The following ACSF3 variants were observed in gnomAD, a reference collection of about 807,000 sequenced individuals.
The protein encoded by ACSF3 is acyl-CoA synthetase family member 3.
Under a neutral mutation model 53.2 loss-of-function variants are expected in ACSF3, and 78 were observed. The observed-to-expected ratio is 1.47, with a 90% confidence interval of 1.22 to 1.77. ACSF3 has a LOEUF of 1.77. Ranked by LOEUF, ACSF3 falls within the 40% of genes most tolerant of loss-of-function variation. The probability of loss-of-function intolerance (pLI) is 0.00; values close to 1 mark genes in which losing one functional copy is unlikely to be tolerated. For synonymous variants in ACSF3, 414 were observed against 333.1 expected (o/e 1.24, Z -2.65); for missense variants, 937 against 771.1 (o/e 1.22, Z -2.55).
rs1307415970 is a variant in ACSF3 at position 89,101,254 on chromosome 16, A to G, written c.573A>G (p.Gly191=). ...EPAEVPVPEQ[G]WRNKGAMIIY... is the part of the protein sequence containing the mutation. ...CAGAGGTCCCGGTCCCAGAGCAGGG[A>G]TGGAGGAACAAGGGCGCCATGATCA... The change falls in exon 3 of 11, where the codon GGA becomes GGG. Residue 191 remains glycine, a synonymous_variant. Transcript: ENST00000614302. 1.2e-6 allele frequency: 2 copies of G among 1,601,542 alleles called. No homozygotes were observed. The highest frequency in any genetic ancestry group is 2.3e-5 in the East Asian group (1 of 44,428).
intron 4 of ACSF3, among the ~76,000 whole-genome samples, chr16:89,109,229 CAAAAAA>C (rs773650798): frequency 4.4e-4 from 30 of 68,566 alleles, no homozygotes; most frequent in Admixed American, 7.1e-4. Context: ...AAGACTGTCT[CAAAAAA>C]AAAAAAAAAA....
intron 4 of ACSF3, among the ~76,000 whole-genome samples, chr16:89,106,885 T>C (rs1597917765): frequency 6.6e-6 from 1 of 151,806 alleles, no homozygotes; most frequent in African/African-American, 2.4e-5. Context: ...ACGGATGGGG[T>C]TGGGGGAGAG....
intron 8 of ACSF3, among the ~76,000 whole-genome samples, chr16:89,142,250 A>G (rs936061808): frequency 1.3e-5 from 2 of 152,056 alleles, no homozygotes; most frequent in African/African-American, 4.8e-5. Flanking sequence ...TGCCCCCACC[A>G]GTCCTTCCTG....
chr16:89,150,089 C>G (rs1191021333), intron 10 of ACSF3: 1 of 152,302 alleles, frequency 6.6e-6, no homozygotes, highest in Non-Finnish European at 1.5e-5. Context: ...CAGGCATGTC[C>G]CACATGGTGG....
chr16:89,122,052 C>A (rs1906784970), intron 7 of ACSF3, among the ~76,000 whole-genome samples: 1 of 132,536 alleles, frequency 7.5e-6, no homozygotes, highest in Non-Finnish European at 1.6e-5. Flanking sequence ...CCGTGGAAAC[C>A]TCTCACCTGG....
chr16:89,128,291 G>A (rs186176206), intron 7 of ACSF3, among the ~76,000 whole-genome samples: 114 of 147,962 alleles, frequency 7.7e-4, no homozygotes, highest in African/African-American at 2.5e-3. Flanking sequence ...ACGGAGTTTC[G>A]CTCTCGTTGC....
chr16:89,103,845 C>T (rs1975659079), intron 4 of ACSF3, among the ~76,000 whole-genome samples: 1 of 152,234 alleles, frequency 6.6e-6, no homozygotes, highest in Non-Finnish European at 1.5e-5. Context: ...GTGCTGGTCA[C>T]ACAGAGCGCT....
At chr16:89,095,796 C>G (rs552284280) in intron 1 of ACSF3, among the ~76,000 whole-genome samples, 1 of 152,338 alleles carries the variant, frequency 6.6e-6, no homozygotes, top group African/African-American at 2.4e-5. Flanking sequence ...TTCGTACATT[C>G]TCACGTGAAG....
At chr16:89,094,629 A>T (rs1344836199) in intron 1 of ACSF3, among the ~76,000 whole-genome samples, 1 of 152,238 alleles carries the variant, frequency 6.6e-6, no homozygotes, top group Admixed American at 6.5e-5. Flanking sequence ...GCAGTGGCTC[A>T]TGCCTGTAAT....
chr16:89,144,455 C>T (rs747523034), intron 8 of ACSF3, among the ~76,000 whole-genome samples: 1 of 152,240 alleles, frequency 6.6e-6, no homozygotes, highest in African/African-American at 2.4e-5. Flanking sequence ...CCTCAGCCAC[C>T]AGCCCCTCCC....
chr16:89,139,079 G>T (rs944496095), intron 8 of ACSF3, among the ~76,000 whole-genome samples: 4 of 152,204 alleles, frequency 2.6e-5, no homozygotes, highest in Admixed American at 2.0e-4. Flanking sequence ...CCCTCCTCAG[G>T]CACGGCCCGG....
Position 89,102,621 on chromosome 16 carries a change from C to G in ACSF3, c.684C>G (p.His228Gln), listed in dbSNP as rs2151416503. The G allele has an allele frequency of 6.2e-7, 1 of 1,613,888 alleles. No homozygotes were observed. Among genetic ancestry groups the G allele is most frequent in the Non-Finnish European group, 8.5e-7 (1 of 1,180,028 alleles). Reference protein sequence around the residue: ...NIRAVVTGLVHKWAWTKDDVI... With the variant: ...NIRAVVTGLVQKWAWTKDDVI... ...CCCTGCAGGTGACCGGGCTGGTCCACAAGTGGGCATGGACCAAAGACGACG... is the reference window on the plus strand; with the variant it reads ...CCCTGCAGGTGACCGGGCTGGTCCAGAAGTGGGCATGGACCAAAGACGACG... The change falls in exon 4 of 11, where the codon CAC becomes CAG. Residue 228 changes from histidine (H) to glutamine (Q), a missense_variant. Physicochemically the swap from His to Gln is conservative, Grantham distance 24. Transcript: ENST00000614302.
chr16:89,114,164 G>A (rs1904608665), intron 5 of ACSF3, 175 bp from the exon 6 acceptor site: 12 of 787,214 alleles, frequency 1.5e-5, no homozygotes, highest in African/African-American at 6.8e-5. Context: ...AGACTGCAGC[G>A]TTGGTCCCGG....
chr16:89,122,211 G>A (rs1331274651), intron 7 of ACSF3, among the ~76,000 whole-genome samples: 2 of 138,610 alleles, frequency 1.4e-5, no homozygotes, highest in Non-Finnish European at 3.2e-5. Flanking sequence ...GCCACCTGCA[G>A]TGGCCGCACC....
chr16:89,155,172 G>C lies in ACSF3; in HGVS notation c.*965G>C. The C allele has an allele frequency of 2.2e-6, 1 of 454,168 alleles. No homozygotes were observed. Among genetic ancestry groups the C allele is most frequent in the South Asian group, 1.6e-5 (1 of 64,482 alleles). 28.1% of individuals were successfully genotyped at this position (454,168 alleles called of 1,614,324 possible). ...CAGGGGCCACATGCAGAATCCAGAA[G>C]TTTCTGGACAATTTTCAGAAGAATA... On this transcript the variant is annotated 3_prime_UTR_variant, in exon 11 of 11. Coordinates refer to ENST00000614302, the MANE Select transcript of ACSF3 (RefSeq NM_001243279.3).
At chr16:89,143,056 C>A (rs1232933682) in intron 8 of ACSF3, among the ~76,000 whole-genome samples, 1 of 151,924 alleles carries the variant, frequency 6.6e-6, no homozygotes, top group African/African-American at 2.4e-5. Flanking sequence ...GAAAATTGCT[C>A]CATAAACCAA....
chr16:89,146,375 CAGG>C (rs1962770199), intron 10 of ACSF3, among the ~76,000 whole-genome samples: 1 of 152,154 alleles, frequency 6.6e-6, no homozygotes, highest in Non-Finnish European at 1.5e-5. Context: ...CAGGCCCATG[CAGG>C]AGGTGCATGG....
At chr16:89,110,001 A>G (rs532497520) in intron 4 of ACSF3, among the ~76,000 whole-genome samples, 27 of 152,306 alleles carry the variant, frequency 1.8e-4, no homozygotes, top group Admixed American at 3.3e-4. Flanking sequence ...TAAGAGTTCT[A>G]TGTGTATTCC....
chr16:89,113,617 G>GT (rs1468794331), intron 5 of ACSF3: 2 of 154,820 alleles, frequency 1.3e-5, no homozygotes, highest in Non-Finnish European at 2.9e-5. Flanking sequence ...CCTGTCAGTG[G>GT]TGCCTCCTCG....
Sources: gnomAD v4.1 joint callset for allele counts (sites outside exome capture counted in the v4.1 genomes callset) on GRCh38, gnomAD v4.1.1 for gene constraint, MANE v1.5 for transcripts, NCBI Gene and HGNC (gene_info 2026-07-23, HGNC 2026-07-21) for gene names.